Variants in ABCC12 observed in about 807,000 individuals in gnomAD.
ABCC12 encodes ATP-binding cassette sub-family C member 12.
In ABCC12, 142 loss-of-function variants were observed where a neutral mutation model predicts 151.1. That is an observed-to-expected ratio of 0.94 (90% confidence interval 0.82 to 1.08). ABCC12 has a LOEUF of 1.08. Among genes scored for constraint, ABCC12 ranks in the 50% least tolerant of loss-of-function variants. The probability of loss-of-function intolerance (pLI) is 0.00; values close to 1 mark genes in which losing one functional copy is unlikely to be tolerated. For missense variants in ABCC12, 1,638 were observed against 1,691.1 expected (o/e 0.97, Z 0.55); for synonymous variants, 645 against 646.4 (o/e 1.00, Z 0.03).
chr16:48,149,522 T>C (rs1459579273), intron 2 of ABCC12, among the ~76,000 whole-genome samples: 2 of 152,174 alleles, frequency 1.3e-5, no homozygotes, highest in African/African-American at 4.8e-5. Flanking sequence ...AGGAATACCA[T>C]GTTAACAGTA....
chr16:48,145,993 T>C (rs759151529), intron 3 of ABCC12, among the ~76,000 whole-genome samples: 1 of 152,164 alleles, frequency 6.6e-6, no homozygotes, highest in Non-Finnish European at 1.5e-5. Flanking sequence ...TCCTCACCTA[T>C]CAGATAAAGA....
intron 18 of ABCC12, among the ~76,000 whole-genome samples, chr16:48,110,287 G>A (rs559449636): frequency 7.2e-5 from 11 of 152,246 alleles, no homozygotes; most frequent in Admixed American, 1.3e-4. Context: ...CCATTTGCTA[G>A]TATGTCATAT....
chr16:48,146,673 G>T, intron 2 of ABCC12, 199 bp from the exon 3 acceptor site: 1 of 421,448 alleles, frequency 2.4e-6, no homozygotes, highest in Non-Finnish European at 4.2e-6. Context: ...TTTCTTATTA[G>T]TAGGACCATT....
At position 48,128,663 on chromosome 16, in the gene ABCC12, T is replaced by C; in HGVS notation, c.1311A>G (p.Ala437=). 1 of 1,614,232 alleles carries C rather than the reference T, an allele frequency of 6.2e-7. No individual in the cohort carries two copies. The highest frequency in any genetic ancestry group is 8.5e-7 in the Non-Finnish European group (1 of 1,180,038). Residue 437 remains alanine (A), a synonymous_variant, in exon 11 of 31, where the codon GCA becomes GCG. Coordinates refer to ENST00000311303, the MANE Select transcript of ABCC12 (RefSeq NM_001393797.1). ...PEDPDTVLLL[A]NATLTWEHEA... ...CATGCTCCCATGTCAAGGTGGCATT[T>C]GCTAAAAGCAAGACAGTATCTGGGT...
chr16:48,087,013 A>G (rs1962641701), intron 27 of ABCC12, among the ~76,000 whole-genome samples, 194 bp from the exon 28 acceptor site: 1 of 152,212 alleles, frequency 6.6e-6, no homozygotes, highest in South Asian at 2.1e-4. Context: ...AAGGGCCCAC[A>G]ACTCTGCAAT....
intron 20 of ABCC12, among the ~76,000 whole-genome samples, chr16:48,106,132 T>G (rs1207006523): frequency 6.6e-6 from 1 of 152,206 alleles, no homozygotes; most frequent in Non-Finnish European, 1.5e-5. Flanking sequence ...TAAATGCCAT[T>G]TTGCTGATTA....
intron 24 of ABCC12, 143 bp from the exon 25 acceptor site, chr16:48,091,352 C>T: frequency 1.4e-6 from 1 of 719,004 alleles, no homozygotes; most frequent in Non-Finnish European, 2.5e-6. Flanking sequence ...GCCTTCCCAG[C>T]CAAGCGCCCA....
rs776739995 is a variant in ABCC12, at chr16:48,139,287, A to C, written c.707T>G (p.Leu236Trp). ...SDSYSLFEAALFCPLPATIPI... is the reference protein window; with the variant it reads ...SDSYSLFEAAWFCPLPATIPI... ...GATGGTGGCTGGCAAAGGACAAAACAAGGCAGCTTCAAACAAAGAATAGCT... is the reference window on the plus strand; with the variant it reads ...GATGGTGGCTGGCAAAGGACAAAACCAGGCAGCTTCAAACAAAGAATAGCT... Residue 236 changes from leucine to tryptophan, a missense_variant, in exon 7 of 31, where the codon TTG becomes TGG. By Grantham distance (61) the Leu-to-Trp change is moderately conservative. Coordinates refer to ENST00000311303, the MANE Select transcript of ABCC12 (RefSeq NM_001393797.1). The C allele has an allele frequency of 3.1e-6, 5 of 1,613,818 alleles. No homozygotes were observed. In the Admixed American group the frequency reaches 8.3e-5, roughly 27 times the overall value.
At chr16:48,152,130 T>G (rs990941361) in intron 2 of ABCC12, among the ~76,000 whole-genome samples, 1 of 152,212 alleles carries the variant, frequency 6.6e-6, no homozygotes, top group South Asian at 2.1e-4. Context: ...TCCATTTGTT[T>G]GTTTACCAGA....
rs117564899 is a variant in ABCC12 at position 48,116,851 on chromosome 16, C to T, written c.1785+410G>A. ...CCAGGATGGGGTGGCAGGCTCAGCCCGTTTGGACAAGCACCCCAGGGGGCA... is the reference window on the plus strand; with the variant it reads ...CCAGGATGGGGTGGCAGGCTCAGCCTGTTTGGACAAGCACCCCAGGGGGCA... On this transcript the variant is annotated intron_variant, in intron 14 of 30. Transcript: ENST00000311303. Among the ~76,000 whole-genome samples, 13 of 152,166 alleles carry T rather than the reference C, an allele frequency of 8.5e-5. No individual in the cohort carries two copies. The East Asian group carries it at 9.7e-4, about 11-fold the overall frequency.
chr16:48,137,093 G>C lies in ABCC12; in HGVS notation c.979+1135C>G, dbSNP rs193213955. ...ACTGCTGAGTGCACAATGGATTGCA[G>C]GAGGGAGGGGGAAGGCAGGAGCAGT... On this transcript the variant is annotated intron_variant, in intron 8 of 30. Coordinates refer to ENST00000311303, the MANE Select transcript of ABCC12 (RefSeq NM_001393797.1). Among the ~76,000 whole-genome samples, 672 of 152,268 alleles carry C rather than the reference G, an allele frequency of 4.4e-3. 2 individuals are homozygous for C. The highest frequency in any genetic ancestry group is 6.8e-3 in the Non-Finnish European group (460 of 68,034).
At chr16:48,104,951 C>G (rs991373000) in intron 21 of ABCC12, among the ~76,000 whole-genome samples, 188 bp downstream of exon 21, 2 of 152,330 alleles carry the variant, frequency 1.3e-5, no homozygotes, top group Admixed American at 6.5e-5. Context: ...GATCCACCCC[C>G]ACAGCTCCCT....
rs1260064776 is a variant in ABCC12 at position 48,105,228 on chromosome 16, T to C, written c.2584A>G (p.Met862Val). Residue 862 changes from methionine (M) to valine (V), a missense_variant, in exon 21 of 31, where the codon ATG becomes GTG. Met to Val is a conservative substitution (Grantham distance 21). Coordinates refer to ENST00000311303, the MANE Select transcript of ABCC12 (RefSeq NM_001393797.1). ...QWVYTASMVFMLVFGVTKGFV... is the reference protein window; with the variant it reads ...QWVYTASMVFVLVFGVTKGFV... ...CCTTTGGTGACGCCAAACACCAGCA[T>C]GAACACCATGCTTGCAGTGTACACC... 1 of 1,614,162 alleles carries C rather than the reference T, an allele frequency of 6.2e-7. No homozygotes were observed. Among genetic ancestry groups the C allele is most frequent in the Admixed American group, 1.7e-5 (1 of 60,026 alleles).
rs764499060 is a variant in ABCC12, at chr16:48,104,219, G to A, written c.2823C>T (p.Leu941=). Residue 941 remains leucine (L), a synonymous_variant, in exon 22 of 31, where the codon CTC becomes CTT. Coordinates refer to ENST00000311303, the MANE Select transcript of ABCC12 (RefSeq NM_001393797.1). ...CAGGAAACACAGCAGCCAAGATCAC[G>A]AGAATAAACACCACCATAAAAAACT... ...LQQFFMVVFI[L]VILAAVFPAV... The A allele has an allele frequency of 1.3e-5, 21 of 1,614,102 alleles. No individual in the cohort carries two copies. Among genetic ancestry groups the A allele is most frequent in the Middle Eastern group, 1.6e-4 (1 of 6,084 alleles).
chr16:48,092,885 A>G (rs1962960073), intron 24 of ABCC12, among the ~76,000 whole-genome samples: 1 of 152,160 alleles, frequency 6.6e-6, no homozygotes, highest in Non-Finnish European at 1.5e-5. Flanking sequence ...GTAAGAAGCA[A>G]GCGGTCTTAG....
At chr16:48,131,491 T>G (rs537592084) in intron 9 of ABCC12, among the ~76,000 whole-genome samples, 1 of 152,216 alleles carries the variant, frequency 6.6e-6, no homozygotes, top group South Asian at 2.1e-4. Flanking sequence ...TCAACTGTGG[T>G]TCCCCCTCAC....
chr16:48,105,019 C>A, intron 21 of ABCC12, 120 bp downstream of exon 21: 1 of 1,146,306 alleles, frequency 8.7e-7, no homozygotes, highest in Non-Finnish European at 1.3e-6. Context: ...GACTAGACTG[C>A]AAGCTCTATG....
At chr16:48,110,538 G>A (rs2150616243) in intron 18 of ABCC12, among the ~76,000 whole-genome samples, 1 of 152,226 alleles carries the variant, frequency 6.6e-6, no homozygotes, top group Admixed American at 6.5e-5. Context: ...CTAGGGATGT[G>A]GAGTGAATGA....
At chr16:48,148,944 C>G (rs1342870461) in intron 2 of ABCC12, among the ~76,000 whole-genome samples, 5 of 151,796 alleles carry the variant, frequency 3.3e-5, no homozygotes, top group Non-Finnish European at 7.4e-5. Context: ...ATTTCCAATA[C>G]CTAGCATAGT....
Sources: gnomAD v4.1 joint callset for allele counts (sites outside exome capture counted in the v4.1 genomes callset) on GRCh38, gnomAD v4.1.1 for gene constraint, MANE v1.5 for transcripts, NCBI Gene and HGNC (gene_info 2026-07-23, HGNC 2026-07-21) for gene names.